THSD7A: variants seen among roughly 807,000 people sequenced by gnomAD.
The protein encoded by THSD7A is thrombospondin type-1 domain-containing protein 7A.
A neutral mutation model predicts 231.3 loss-of-function variants in THSD7A; 96 were observed. That is an observed-to-expected ratio of 0.41 (90% CI 0.35 to 0.49). THSD7A has a LOEUF of 0.49. THSD7A is among the 20% of genes least tolerant of loss of function. The pLI, the probability that THSD7A is intolerant of heterozygous loss-of-function variation, is 0.05. For missense variants in THSD7A, 2,290 were observed against 2,070.2 expected (o/e 1.11, Z -2.06); for synonymous variants, 940 against 743.3 (o/e 1.26, Z -4.30).
At chr7:11,547,336 A>T (rs1789443016) in intron 4 of THSD7A, among the ~76,000 whole-genome samples, 1 of 152,226 alleles carries the variant, frequency 6.6e-6, no homozygotes, top group Admixed American at 6.5e-5. Context: ...TAAACACTCC[A>T]CTTAAAAGGC....
chr7:11,683,155 A>G (rs1338243352), intron 1 of THSD7A, among the ~76,000 whole-genome samples: 1 of 151,786 alleles, frequency 6.6e-6, no homozygotes, highest in East Asian at 1.9e-4. Flanking sequence ...CATGCCAAGC[A>G]TATTCTTGGA....
intron 4 of THSD7A, among the ~76,000 whole-genome samples, chr7:11,560,633 T>C (rs1475485417): frequency 6.6e-6 from 1 of 152,138 alleles, no homozygotes; most frequent in Non-Finnish European, 1.5e-5. Context: ...CCTTATAGCA[T>C]GCAACCCATG....
At position 11,407,000 on chromosome 7, in the gene THSD7A, T is replaced by C; in HGVS notation, c.3972A>G (p.Pro1324=). The change falls in exon 21 of 28, where the codon CCA becomes CCG. Residue 1324 remains proline (P), a synonymous_variant. Coordinates refer to ENST00000423059, the MANE Select transcript of THSD7A (RefSeq NM_015204.3). This position sits in a 1 kb window ranked among gnomAD's most constrained non-coding sequence, Gnocchi z 4.7. ...VTQPFQGDGR[P]CPSLMDQSKP... ...TGGACTGGTCCATCAGGGAAGGGCATGGTCTTCCATCACCTTGAAAGGGCT... is the reference window on the plus strand; with the variant it reads ...TGGACTGGTCCATCAGGGAAGGGCACGGTCTTCCATCACCTTGAAAGGGCT... 1 of 1,613,874 alleles carries C rather than the reference T, an allele frequency of 6.2e-7. No individual in the cohort carries two copies. Among genetic ancestry groups the C allele is most frequent in the Non-Finnish European group, 8.5e-7 (1 of 1,179,860 alleles).
rs1785197310 is a variant in THSD7A at position 11,831,697 on chromosome 7, C to A, written c.190+60G>T. On this transcript the variant is annotated intron_variant, in intron 1 of 27. Transcript: ENST00000423059. This position sits in a 1 kb window ranked among gnomAD's most constrained non-coding sequence, Gnocchi z 5.0. ...CACCGGGGTCCCTACAGAAGCCCACCAGCTCCTTAATGTGGCCCCAGATGT... is the reference window on the plus strand; with the variant it reads ...CACCGGGGTCCCTACAGAAGCCCACAAGCTCCTTAATGTGGCCCCAGATGT... The A allele has an allele frequency of 7.9e-6, 10 of 1,260,050 alleles. No homozygotes were observed. The highest frequency in any genetic ancestry group is 1.0e-5 in the Non-Finnish European group (10 of 978,028). The allele number at this position is 1,260,050 out of a possible 1,614,324, so 78.1% of individuals were successfully genotyped here. A position where few individuals can be genotyped will look rare whatever the true frequency, so the allele number is the denominator to read the frequency against.
At position 11,460,658 on chromosome 7, in the gene THSD7A, C is replaced by A; in HGVS notation, c.2605+4G>T. 1 of 1,603,744 alleles carries A rather than the reference C, an allele frequency of 6.2e-7. No individual in the cohort carries two copies. The highest frequency in any genetic ancestry group is 1.3e-5 in the African/African-American group (1 of 74,776). On this transcript the variant is annotated splice_donor_region_variant and intron_variant, in intron 11 of 27. Transcript: ENST00000423059. ...GAAATGAACTGTGGAATGGGGCCTCCCACCTCTTGCCTGTCGCCCAGGCCC... is the reference window on the plus strand; with the variant it reads ...GAAATGAACTGTGGAATGGGGCCTCACACCTCTTGCCTGTCGCCCAGGCCC...
intron 4 of THSD7A, among the ~76,000 whole-genome samples, chr7:11,588,882 G>T (rs185541795): frequency 2.1e-4 from 32 of 152,270 alleles, no homozygotes; most frequent in African/African-American, 7.2e-4. Flanking sequence ...ATAACCTCAA[G>T]ATACATTAGT....
chr7:11,796,943 T>A (rs1355867779), intron 1 of THSD7A, among the ~76,000 whole-genome samples: 1 of 152,144 alleles, frequency 6.6e-6, no homozygotes, highest in African/African-American at 2.4e-5. Context: ...TAAATGTGAA[T>A]AACAATTTTA....
intron 1 of THSD7A, among the ~76,000 whole-genome samples, chr7:11,695,654 C>G (rs376981039): frequency 1.3e-5 from 2 of 151,362 alleles, no homozygotes; most frequent in African/African-American, 4.8e-5. Context: ...AATTTATTGA[C>G]AGATAATATG....
intron 1 of THSD7A, chr7:11,821,385 C>A: frequency 2.3e-6 from 1 of 442,746 alleles, no homozygotes; most frequent in South Asian, 3.3e-5. Context: ...CTCCCTTGCC[C>A]TGATTTTAAA....
intron 1 of THSD7A, among the ~76,000 whole-genome samples, chr7:11,687,524 A>G (rs1327750541): frequency 6.6e-6 from 1 of 151,934 alleles, no homozygotes. Flanking sequence ...TCAGTAGAAG[A>G]CTGAAGAAAA....
chr7:11,501,008 C>T (rs1194474350), intron 6 of THSD7A, among the ~76,000 whole-genome samples: 1 of 141,908 alleles, frequency 7.0e-6, no homozygotes, highest in Non-Finnish European at 1.5e-5. Flanking sequence ...TTCAAACCAA[C>T]AAAGATAAAA....
In THSD7A at chr7:11,417,584, C is replaced by A. The variant is rs1349917514; in HGVS notation, c.3403G>T (p.Asp1135Tyr). The change falls in exon 17 of 28, where the codon GAT (aspartate) becomes TAT (tyrosine). Residue 1135 changes from aspartate to tyrosine, a missense_variant. Physicochemically the swap from Asp to Tyr is radical, Grantham distance 160. Transcript: ENST00000423059. ...TCCTCTACATGTTCAGAAGGGCCATCTGCTGTATTCTGCATGCATCTAGAA... is the reference window on the plus strand; with the variant it reads ...TCCTCTACATGTTCAGAAGGGCCATATGCTGTATTCTGCATGCATCTAGAA... ...RKVRCMQNTADGPSEHVEDYL... is the reference protein window; with the variant it reads ...RKVRCMQNTAYGPSEHVEDYL... 6.2e-7 allele frequency: 1 copy of A among 1,608,834 alleles called. No individual in the cohort carries two copies. Among genetic ancestry groups the A allele is most frequent in the Admixed American group, 1.7e-5 (1 of 58,354 alleles).
At chr7:11,595,854 C>G (rs911420877) in intron 2 of THSD7A, among the ~76,000 whole-genome samples, 1 of 152,168 alleles carries the variant, frequency 6.6e-6, no homozygotes, top group Non-Finnish European at 1.5e-5. Flanking sequence ...AAAGGCAAGG[C>G]GGGCATAGCT....
In THSD7A at chr7:11,372,760, T is replaced by C. The variant is rs957647917; in HGVS notation, c.*3034A>G. ...AGTGTCAATAGAGAAGTTACTACTATATTCCCCTCCCAAATTTTTAGAAGG... is the reference window on the plus strand; with the variant it reads ...AGTGTCAATAGAGAAGTTACTACTACATTCCCCTCCCAAATTTTTAGAAGG... On this transcript the variant is annotated 3_prime_UTR_variant, in exon 28 of 28. Coordinates refer to ENST00000423059, the MANE Select transcript of THSD7A (RefSeq NM_015204.3). The C allele has an allele frequency of 6.6e-6, 1 of 152,072 alleles. No homozygotes were observed. Among genetic ancestry groups the C allele is most frequent in the Non-Finnish European group, 1.5e-5 (1 of 67,990 alleles). 9.4% of individuals were successfully genotyped at this position (152,072 alleles called of 1,614,324 possible). A position where few individuals can be genotyped will look rare whatever the true frequency, so the allele number is the denominator to read the frequency against.
At chr7:11,413,989 A>G (rs1783876352) in intron 17 of THSD7A, 2 of 152,340 alleles carry the variant, frequency 1.3e-5, no homozygotes, top group South Asian at 4.1e-4. Flanking sequence ...ACCCCTACCT[A>G]GGAGCCTTAG....
chr7:11,765,735 G>A (rs954164943), intron 1 of THSD7A, among the ~76,000 whole-genome samples: 1 of 152,092 alleles, frequency 6.6e-6, no homozygotes, highest in Admixed American at 6.6e-5. Flanking sequence ...GTATACAGTA[G>A]TGGTATTCCA....
chr7:11,460,938 T>C (rs1785484525), intron 10 of THSD7A, among the ~76,000 whole-genome samples, 173 bp from the exon 11 acceptor site: 1 of 152,144 alleles, frequency 6.6e-6, no homozygotes, highest in African/African-American at 2.4e-5. Flanking sequence ...AGAAGTAACA[T>C]TAAATATAAA....
chr7:11,580,126 G>C (rs1791092993), intron 4 of THSD7A, among the ~76,000 whole-genome samples: 1 of 152,098 alleles, frequency 6.6e-6, no homozygotes, highest in South Asian at 2.1e-4. Flanking sequence ...TAGCTGCATG[G>C]TAAAATCAAC....
At chr7:11,719,040 A>G (rs1425351377) in intron 1 of THSD7A, among the ~76,000 whole-genome samples, 2 of 151,674 alleles carry the variant, frequency 1.3e-5, no homozygotes, top group Non-Finnish European at 3.0e-5. Context: ...TATTTTCTCT[A>G]TAAGCAATAT....
Sources: allele counts gnomAD v4.1 joint callset (sites outside exome capture counted in the v4.1 genomes callset), GRCh38; gene constraint gnomAD v4.1.1; non-coding constraint Gnocchi (gnomAD v3.1); transcripts MANE v1.5; gene names NCBI Gene and HGNC (gene_info 2026-07-23, HGNC 2026-07-21).